The following CPA6 variants were observed in gnomAD, a reference collection of about 807,000 sequenced individuals.
The protein encoded by CPA6 is carboxypeptidase B.
A neutral mutation model predicts 63.3 loss-of-function variants in CPA6; 58 were observed. That is an observed-to-expected ratio of 0.92 (90% CI 0.74 to 1.14). The LOEUF is 1.14. Among genes scored for constraint, CPA6 ranks in the 50% most tolerant of loss-of-function variants. The probability of loss-of-function intolerance (pLI) is 0.00; values close to 1 mark genes in which losing one functional copy is unlikely to be tolerated. For synonymous variants in CPA6, 185 were observed against 179.0 expected (o/e 1.03, Z -0.27); for missense variants, 565 against 526.6 (o/e 1.07, Z -0.71).
chr8:67,512,367 C>A (rs1256094696), intron 3 of CPA6, among the ~76,000 whole-genome samples: 1 of 152,226 alleles, frequency 6.6e-6, no homozygotes, highest in African/African-American at 2.4e-5. Flanking sequence ...AAAGAAGCTA[C>A]AGTCCTCAAG....
intron 2 of CPA6, among the ~76,000 whole-genome samples, chr8:67,594,952 C>T (rs567983011): frequency 5.6e-4 from 85 of 152,304 alleles, no homozygotes; most frequent in African/African-American, 1.8e-3. Flanking sequence ...GGAGGAGGGG[C>T]GCTCTGCTTT....
At chr8:67,513,538 A>G (rs910260093) in intron 3 of CPA6, among the ~76,000 whole-genome samples, 1 of 152,206 alleles carries the variant, frequency 6.6e-6, no homozygotes, top group African/African-American at 2.4e-5. Context: ...GCGGAAATCT[A>G]TACCAGAATC....
At chr8:67,577,107 G>T (rs991912119) in intron 2 of CPA6, among the ~76,000 whole-genome samples, 2 of 151,922 alleles carry the variant, frequency 1.3e-5, no homozygotes, top group South Asian at 2.1e-4. Context: ...CTCCTGCCTC[G>T]GCCTCCCAAA....
intron 2 of CPA6, among the ~76,000 whole-genome samples, chr8:67,612,815 A>G (rs886077081): frequency 6.6e-6 from 1 of 152,192 alleles, no homozygotes; most frequent in African/African-American, 2.4e-5. Flanking sequence ...CATCCCTAAT[A>G]GCTGTTTTTA....
chr8:67,621,730 CTTCT>C (rs1253474511), intron 2 of CPA6, among the ~76,000 whole-genome samples: 2 of 151,918 alleles, frequency 1.3e-5, no homozygotes, highest in African/African-American at 4.8e-5. Flanking sequence ...TAATATTAAG[CTTCT>C]TTCTTCCCTT....
chr8:67,637,979 TTTTG>T lies in CPA6; in HGVS notation c.117-13732_117-13729del, dbSNP rs761763942. ...AGAAAGCCCTTAGTAATGCTAGAAA[TTTTG>T]TGTGTGTGTGTGTGTGTGTGTGTGC... On this transcript the variant is annotated intron_variant, in intron 1 of 10. Coordinates refer to ENST00000297770, the MANE Select transcript of CPA6 (RefSeq NM_020361.5). Among the ~76,000 whole-genome samples, 837 of 126,818 alleles carry T rather than the reference TTTTG, an allele frequency of 6.6e-3. 37 individuals carry two copies. Among genetic ancestry groups the T allele is most frequent in the African/African-American group, 0.025 (785 of 31,646 alleles). 83.2% of individuals were successfully genotyped at this position (126,818 alleles called of 152,430 possible). A position where few individuals can be genotyped will look rare whatever the true frequency, so the allele number is the denominator to read the frequency against.
intron 2 of CPA6, among the ~76,000 whole-genome samples, chr8:67,613,573 T>G (rs1320381887): frequency 6.6e-6 from 1 of 152,156 alleles, no homozygotes; most frequent in Non-Finnish European, 1.5e-5. Flanking sequence ...AATGATTGAC[T>G]CTTTCTGTGG....
chr8:67,451,067 C>T (rs1810546987), intron 8 of CPA6, among the ~76,000 whole-genome samples: 1 of 152,174 alleles, frequency 6.6e-6, no homozygotes, highest in South Asian at 2.1e-4. Flanking sequence ...GACACCCTCA[C>T]TACCCTTTAA....
intron 2 of CPA6, among the ~76,000 whole-genome samples, chr8:67,596,561 T>C (rs1051989079): frequency 2.0e-5 from 3 of 152,076 alleles, no homozygotes; most frequent in Non-Finnish European, 2.9e-5. Flanking sequence ...ACTTTGAAAT[T>C]TTAGGTTGCA....
At chr8:67,637,603 T>A (rs1334888394) in intron 1 of CPA6, among the ~76,000 whole-genome samples, 5 of 151,476 alleles carry the variant, frequency 3.3e-5, no homozygotes, top group Non-Finnish European at 7.4e-5. Flanking sequence ...GTTTCTGGTG[T>A]GAGGAAAAGG....
At chr8:67,559,420 G>A (rs565629037) in intron 2 of CPA6, among the ~76,000 whole-genome samples, 4 of 151,990 alleles carry the variant, frequency 2.6e-5, no homozygotes, top group East Asian at 1.9e-4. Flanking sequence ...TTGTGAATTC[G>A]GCCTCAGGAC....
At chr8:67,693,432 G>T (rs1816852461) in intron 1 of CPA6, among the ~76,000 whole-genome samples, 1 of 152,210 alleles carries the variant, frequency 6.6e-6, no homozygotes, top group South Asian at 2.1e-4. Context: ...GAAGAGGCTG[G>T]TACATTGCAA....
chr8:67,675,646 G>T (rs1816454787), intron 1 of CPA6, among the ~76,000 whole-genome samples: 1 of 152,150 alleles, frequency 6.6e-6, no homozygotes, highest in Non-Finnish European at 1.5e-5. Flanking sequence ...CAACCCACTG[G>T]AATGACATTA....
At chr8:67,513,363 C>A (rs929216575) in intron 3 of CPA6, among the ~76,000 whole-genome samples, 2 of 152,222 alleles carry the variant, frequency 1.3e-5, no homozygotes, top group East Asian at 3.9e-4. Context: ...AAGAGGGATA[C>A]GAGTTTGACT....
chr8:67,523,858 T>A (rs1027398418), intron 2 of CPA6, among the ~76,000 whole-genome samples: 1 of 152,352 alleles, frequency 6.6e-6, no homozygotes, highest in East Asian at 1.9e-4. Flanking sequence ...GTCAACTTGG[T>A]AACAGATGGC....
intron 2 of CPA6, among the ~76,000 whole-genome samples, chr8:67,553,910 T>C (rs542243974): frequency 3.7e-4 from 56 of 152,344 alleles, no homozygotes; most frequent in Middle Eastern, 3.4e-3. Flanking sequence ...ACAGTGGTGA[T>C]TTTCAAACCT....
chr8:67,669,232 T>G (rs1247642118), intron 1 of CPA6, among the ~76,000 whole-genome samples: 1 of 151,966 alleles, frequency 6.6e-6, no homozygotes, highest in African/African-American at 2.4e-5. Context: ...GCAACAGTCT[T>G]AAGTGAGTGC....
intron 1 of CPA6, among the ~76,000 whole-genome samples, chr8:67,726,409 G>A (rs541870473): frequency 8.5e-5 from 13 of 152,148 alleles, no homozygotes; most frequent in Non-Finnish European, 1.6e-4. Flanking sequence ...AAATGACGAC[G>A]TTTAACCTGG....
chr8:67,532,051 G>A (rs1269488556), intron 2 of CPA6, among the ~76,000 whole-genome samples: 1 of 151,872 alleles, frequency 6.6e-6, no homozygotes, highest in Non-Finnish European at 1.5e-5. Context: ...GGGTAAATAC[G>A]AAAACTTGAT....
Sources: allele counts gnomAD v4.1 joint callset (sites outside exome capture counted in the v4.1 genomes callset), GRCh38; gene constraint gnomAD v4.1.1; transcripts MANE v1.5; gene names NCBI Gene and HGNC (gene_info 2026-07-23, HGNC 2026-07-21).